The following NAGA variants were observed in gnomAD, a reference collection of about 807,000 sequenced individuals.
NAGA encodes alpha-N-acetylgalactosaminidase.
In NAGA, 42 loss-of-function variants were observed where a neutral mutation model predicts 45.6. The observed-to-expected ratio is 0.92, with a 90% CI of 0.72 to 1.19. The LOEUF (loss-of-function observed/expected upper bound fraction) is 1.19. Among genes scored for constraint, NAGA ranks in the 50% most tolerant of loss-of-function variants. The pLI is 0.00. For synonymous variants in NAGA, 176 were observed against 203.1 expected, an observed-to-expected ratio of 0.87 and a Z score of 1.13; for missense variants, 493 against 544.8, an observed-to-expected ratio of 0.90 and a Z score of 0.95.
chr22:42,059,984 T>C lies in NAGA; in HGVS notation c.*295A>G, dbSNP rs1926263290. ...ACAGCAAGGTCAGAGGCTAGAGTCCTGATGGGCATGGAGCTCAGGAGGCTG... is the reference window on the plus strand; with the variant it reads ...ACAGCAAGGTCAGAGGCTAGAGTCCCGATGGGCATGGAGCTCAGGAGGCTG... On this transcript the variant is annotated 3_prime_UTR_variant, in exon 9 of 9. Transcript: ENST00000396398. 6.8e-6 allele frequency: 3 copies of C among 439,098 alleles called. No individual in the cohort carries two copies. Among genetic ancestry groups the C allele is most frequent in the Non-Finnish European group, 8.5e-6 (2 of 234,406 alleles). The allele number at this position is 439,098 out of a possible 1,614,324, so 27.2% of individuals were successfully genotyped here. A position where few individuals can be genotyped will look rare whatever the true frequency, so the allele number is the denominator to read the frequency against.
intron 7 of NAGA, among the ~76,000 whole-genome samples, chr22:42,062,598 C>T (rs528272188): frequency 2.8e-4 from 42 of 152,328 alleles, no homozygotes; most frequent in African/African-American, 9.4e-4. Flanking sequence ...TCATCCCCGA[C>T]TCCCTTGAGC....
rs1429533200 is a variant in NAGA, at chr22:42,060,327, C to T, written c.1188G>A (p.Val396=). 1 of 1,613,798 alleles carries T rather than the reference C, an allele frequency of 6.2e-7. No individual in the cohort carries two copies. The highest frequency in any genetic ancestry group is 8.5e-7 in the Non-Finnish European group (1 of 1,179,986). ...TCTTGATGGGATACAGGTACCACAT[C>T]ACTACCCCTGAAGGGTTGATGATCA... ...FTVIINPSGV[V]MWYLYPIKNL... Residue 396 remains valine, a synonymous_variant, in exon 9 of 9, where the codon GTG becomes GTA. Transcript: ENST00000396398.
chr22:42,060,224 GC>G lies in NAGA; in HGVS notation c.*54del. 6.2e-7 allele frequency: 1 copy of G among 1,608,098 alleles called. No individual in the cohort carries two copies. The highest frequency in any genetic ancestry group is 1.7e-5 in the Admixed American group (1 of 60,020). On this transcript the variant is annotated 3_prime_UTR_variant, in exon 9 of 9. Coordinates refer to ENST00000396398, the MANE Select transcript of NAGA (RefSeq NM_000262.3). ...CCCCACTTGCCCTGGGCATGCCAAG[GC>G]TCCATGGTCTAGGCTCAGTGGTGCC...
Position 42,066,626 on chromosome 22 carries a change from G to A in NAGA, c.597+84C>T, listed in dbSNP as rs1602495979. The A allele has an allele frequency of 3.4e-5, 44 of 1,309,498 alleles. No individual in the cohort carries two copies. The South Asian group carries it at 5.7e-4, about 17-fold the overall frequency. The allele number at this position is 1,309,498 out of a possible 1,614,324, so 81.1% of individuals were successfully genotyped here. The stretch of plus-strand genomic sequence containing the variant: ...GTGAGAGCAGCCCTGGCTCTGGAAG[G>A]CCCCGTCCCTGAAGCCTGGCACTCA... On this transcript the variant is annotated intron_variant, in intron 5 of 8. Coordinates refer to ENST00000396398, the MANE Select transcript of NAGA (RefSeq NM_000262.3).
At chr22:42,066,637 G>C in intron 5 of NAGA, 73 bp downstream of exon 5, 1 of 1,432,050 alleles carries the variant, frequency 7.0e-7, no homozygotes, top group Non-Finnish European at 9.6e-7. Flanking sequence ...CCCCGTCCCT[G>C]AAGCCTGGCA....
chr22:42,064,095 C>G (rs566092540), intron 6 of NAGA, among the ~76,000 whole-genome samples: 11 of 151,772 alleles, frequency 7.2e-5, no homozygotes, highest in East Asian at 1.9e-4. Flanking sequence ...AATCCCAGCA[C>G]TTTGGGAGGC....
chr22:42,065,552 G>T (rs1319044773), intron 6 of NAGA, among the ~76,000 whole-genome samples, 186 bp downstream of exon 6: 1 of 152,206 alleles, frequency 6.6e-6, no homozygotes, highest in African/African-American at 2.4e-5. Flanking sequence ...GATGCAAAAC[G>T]TGGGGGATGG....
intron 1 of NAGA, 41 bp downstream of exon 1, chr22:42,070,240 CT>C (rs780539817): frequency 6.8e-6 from 11 of 1,612,908 alleles, no homozygotes; most frequent in Non-Finnish European, 7.6e-6. Context: ...CCTTGTAGCA[CT>C]CACCCCTACC....
chr22:42,065,556 G>A (rs1926672908), intron 6 of NAGA, among the ~76,000 whole-genome samples, 182 bp downstream of exon 6: 1 of 152,204 alleles, frequency 6.6e-6, no homozygotes, highest in Non-Finnish European at 1.5e-5. Flanking sequence ...CAAAACGTGG[G>A]GGATGGGGCC....
intron 2 of NAGA, 83 bp downstream of exon 2, chr22:42,068,356 T>C: frequency 6.2e-7 from 1 of 1,606,508 alleles, no homozygotes; most frequent in Non-Finnish European, 8.5e-7. Context: ...CTTGCCCTCT[T>C]TTCTAGTGGA....
chr22:42,067,438 A>T (rs1569458536), intron 3 of NAGA, 148 bp from the exon 4 acceptor site: 2 of 1,007,744 alleles, frequency 2.0e-6, no homozygotes, highest in Non-Finnish European at 3.0e-6. Flanking sequence ...TCTGCCCATG[A>T]TGGCCCACCT....
At chr22:42,063,104 G>A (rs1030852051) in intron 6 of NAGA, 80 bp from the exon 7 acceptor site, 77 of 1,394,796 alleles carry the variant, frequency 5.5e-5, no homozygotes, top group Non-Finnish European at 6.5e-5. Context: ...ACTTGTAGCC[G>A]AGGAAGAGCA....
intron 7 of NAGA, 119 bp downstream of exon 7, chr22:42,062,708 T>A (rs1260283441): frequency 1.7e-6 from 2 of 1,146,100 alleles, no homozygotes. Flanking sequence ...GTAGCCCTGG[T>A]TGGGGACTGG....
At chr22:42,065,684 G>A in intron 6 of NAGA, 54 bp downstream of exon 6, 1 of 1,608,914 alleles carries the variant, frequency 6.2e-7, no homozygotes. Flanking sequence ...GGGCAGTGGG[G>A]AGCAGGGTCG....
At chr22:42,067,002 C>T (rs1488986855) in intron 4 of NAGA, 111 bp downstream of exon 4, 15 of 1,537,956 alleles carry the variant, frequency 9.8e-6, no homozygotes, top group Non-Finnish European at 1.3e-5. Flanking sequence ...CCACAATCCC[C>T]CTAACCCCTG....
intron 7 of NAGA, among the ~76,000 whole-genome samples, chr22:42,061,352 C>T (rs1048662118): frequency 7.2e-5 from 11 of 152,200 alleles, no homozygotes; most frequent in Non-Finnish European, 1.2e-4. Context: ...CATAGGACAA[C>T]GGGAGGGATA....
chr22:42,067,154 T>C lies in NAGA; in HGVS notation c.461A>G (p.Lys154Arg). The part of the protein sequence containing the change: ...TFAEWKVDML[K>R]LDGCFSTPEE... Reference sequence around the variant, plus strand: ...GGGGGTGGAGAAGCAGCCATCCAGCTTGAGCATGTCTACCTTCCACTCGGC... The same window carrying C: ...GGGGGTGGAGAAGCAGCCATCCAGCCTGAGCATGTCTACCTTCCACTCGGC... Residue 154 changes from lysine to arginine, a missense_variant, in exon 4 of 9, where the codon AAG (lysine) becomes AGG (arginine). Transcript: ENST00000396398. 6.2e-7 allele frequency: 1 copy of C among 1,614,118 alleles called. No homozygotes were observed.
intron 7 of NAGA, among the ~76,000 whole-genome samples, chr22:42,061,540 C>T (rs1242237553): frequency 6.6e-6 from 1 of 152,208 alleles, no homozygotes; most frequent in Non-Finnish European, 1.5e-5. Flanking sequence ...GGCCCAGCTC[C>T]ACCATCAGCC....
Position 42,070,597 on chromosome 22 carries a change from C to T in NAGA, c.-300G>A. On this transcript the variant is annotated 5_prime_UTR_variant, in exon 1 of 9. Coordinates refer to ENST00000396398, the MANE Select transcript of NAGA (RefSeq NM_000262.3). ...GGGAGTCCCGAGGGCCTACGGGCCG[C>T]CTTCGGCCCCGCCCGGGCTCAGAAA... 2 of 538,256 alleles carry T rather than the reference C, an allele frequency of 3.7e-6. No individual in the cohort carries two copies. The highest frequency in any genetic ancestry group is 1.9e-5 in the African/African-American group (1 of 52,606). 33.3% of individuals were successfully genotyped at this position (538,256 alleles called of 1,614,324 possible).
Sources: gnomAD v4.1 joint callset for allele counts (sites outside exome capture counted in the v4.1 genomes callset) on GRCh38, gnomAD v4.1.1 for gene constraint, MANE v1.5 for transcripts, NCBI Gene and HGNC (gene_info 2026-07-23, HGNC 2026-07-21) for gene names.